KCNH7: variants seen among roughly 807,000 people sequenced by gnomAD.
KCNH7 encodes the protein voltage-gated inwardly rectifying potassium channel KCNH7.
In KCNH7, 49 loss-of-function variants were observed where a neutral mutation model predicts 120.8. That is an observed-to-expected ratio of 0.41 (90% CI 0.32 to 0.51). The LOEUF (loss-of-function observed/expected upper bound fraction) is 0.51. Ranked by LOEUF, KCNH7 falls within the 20% of genes least tolerant of loss-of-function variation. The probability of loss-of-function intolerance (pLI) is 0.38; values close to 1 mark genes in which losing one functional copy is unlikely to be tolerated. For synonymous variants in KCNH7, 547 were observed against 516.1 expected, an observed-to-expected ratio of 1.06 and a Z score of -0.81; for missense variants, 1,097 against 1,446.6, an observed-to-expected ratio of 0.76 and a Z score of 3.92.
chr2:162,372,298 G>A (rs771315318), intron 15 of KCNH7, among the ~76,000 whole-genome samples: 4 of 151,906 alleles, frequency 2.6e-5, no homozygotes, highest in Non-Finnish European at 5.9e-5. Context: ...ACCATTCCAA[G>A]AACTTTTATT....
At position 162,723,453 on chromosome 2, in the gene KCNH7, A is replaced by C. The variant is rs558976580; in HGVS notation, c.307+113084T>G. Among the ~76,000 whole-genome samples the C allele has an allele frequency of 3.9e-5, 6 of 152,330 alleles. No homozygotes were observed. The East Asian group carries it at 1.2e-3, about 29-fold the overall frequency. The stretch of plus-strand genomic sequence containing the variant: ...GAAATATTATTCAGCCAGAAAGAAG[A>C]AGGAATCCCTGCCACACATGACAAC... On this transcript the variant is annotated intron_variant, in intron 2 of 15. Transcript: ENST00000332142.
chr2:162,512,564 CA>C, intron 5 of KCNH7, 89 bp downstream of exon 5: 1 of 1,121,046 alleles, frequency 8.9e-7, no homozygotes, highest in Non-Finnish European at 1.3e-6. Flanking sequence ...GAAGATGTTG[CA>C]CTGAACAGGG....
intron 2 of KCNH7, among the ~76,000 whole-genome samples, chr2:162,746,004 C>T (rs1325952999): frequency 6.6e-6 from 1 of 151,798 alleles, no homozygotes; most frequent in Non-Finnish European, 1.5e-5. Context: ...ATTATTTTTA[C>T]ATATGAAGAA....
intron 8 of KCNH7, among the ~76,000 whole-genome samples, chr2:162,429,533 G>T (rs949822965): frequency 6.6e-6 from 1 of 151,058 alleles, no homozygotes; most frequent in Admixed American, 6.6e-5. Flanking sequence ...ATTATGTCAG[G>T]TTTTGTCATT....
chr2:162,695,638 CTG>C (rs1686264599), intron 2 of KCNH7, among the ~76,000 whole-genome samples: 1 of 152,062 alleles, frequency 6.6e-6, no homozygotes, highest in Admixed American at 6.6e-5. Flanking sequence ...GCAGTTTAAT[CTG>C]GGGATGGTTT....
intron 2 of KCNH7, among the ~76,000 whole-genome samples, chr2:162,724,030 CA>C (rs1387453961): frequency 6.6e-6 from 1 of 152,024 alleles, no homozygotes; most frequent in African/African-American, 2.4e-5. Context: ...CGAGTTAGAG[CA>C]AAACAACAAC....
At chr2:162,539,078 A>T (rs924634046) in intron 2 of KCNH7, among the ~76,000 whole-genome samples, 1 of 152,102 alleles carries the variant, frequency 6.6e-6, no homozygotes, top group African/African-American at 2.4e-5. Context: ...AATTCATTTA[A>T]TAAAATAGTT....
intron 2 of KCNH7, among the ~76,000 whole-genome samples, chr2:162,572,894 T>C (rs1271562617): frequency 6.6e-6 from 1 of 151,684 alleles, no homozygotes; most frequent in East Asian, 1.9e-4. Flanking sequence ...CTGGGGACTG[T>C]TGTGGGGTGG....
chr2:162,764,417 C>G (rs1689075908), intron 2 of KCNH7, among the ~76,000 whole-genome samples: 1 of 152,066 alleles, frequency 6.6e-6, no homozygotes, highest in Admixed American at 6.6e-5. Context: ...ATTTTATAGA[C>G]AGTATAATTT....
chr2:162,424,137 C>T (rs1000675980), intron 8 of KCNH7, among the ~76,000 whole-genome samples: 5 of 151,966 alleles, frequency 3.3e-5, no homozygotes, highest in African/African-American at 1.2e-4. Context: ...TATCCTATTC[C>T]AATTCATTTT....
chr2:162,786,261 A>G (rs931063868), intron 2 of KCNH7, among the ~76,000 whole-genome samples: 9 of 151,254 alleles, frequency 6.0e-5, no homozygotes, highest in Non-Finnish European at 1.2e-4. Context: ...AAAAAAAAAA[A>G]AAGCTAGTAG....
chr2:162,543,579 A>T (rs1692384833), intron 2 of KCNH7, among the ~76,000 whole-genome samples: 1 of 152,154 alleles, frequency 6.6e-6, no homozygotes, highest in Non-Finnish European at 1.5e-5. Flanking sequence ...CTTATTTAAA[A>T]CAATTTTAAA....
At chr2:162,445,766 G>A (rs1404215846) in intron 7 of KCNH7, among the ~76,000 whole-genome samples, 1 of 152,152 alleles carries the variant, frequency 6.6e-6, no homozygotes, top group Non-Finnish European at 1.5e-5. Flanking sequence ...GTGTGCTATG[G>A]ACCACTTGTT....
In KCNH7 at chr2:162,690,048, A is replaced by C. The variant is rs573715121; in HGVS notation, c.307+146489T>G. Among the ~76,000 whole-genome samples the C allele has an allele frequency of 7.9e-5, 12 of 152,236 alleles. 1 individual carries two copies. Among genetic ancestry groups the C allele is most frequent in the Non-Finnish European group, 1.6e-4 (11 of 68,044 alleles). ...ATACACCATGGAATAATATGCAACCATAAAAAAACAATGAGATCATGTTCT... is the reference window on the plus strand; with the variant it reads ...ATACACCATGGAATAATATGCAACCCTAAAAAAACAATGAGATCATGTTCT... On this transcript the variant is annotated intron_variant, in intron 2 of 15. Transcript: ENST00000332142.
intron 2 of KCNH7, among the ~76,000 whole-genome samples, chr2:162,771,589 A>G (rs898387355): frequency 6.6e-6 from 1 of 152,096 alleles, no homozygotes; most frequent in African/African-American, 2.4e-5. Context: ...TTTAATTTAG[A>G]ATTACTATAA....
At chr2:162,617,351 C>T (rs962271276) in intron 2 of KCNH7, among the ~76,000 whole-genome samples, 6 of 152,074 alleles carry the variant, frequency 3.9e-5, no homozygotes, top group East Asian at 1.9e-4. Context: ...TGGTGGCGGG[C>T]GCCTGTAGTC....
Position 162,642,126 on chromosome 2 carries a change from T to A in KCNH7, c.308-105046A>T, listed in dbSNP as rs143750862. 1.3e-3 allele frequency among the ~76,000 whole-genome samples: 202 copies of A among 152,260 alleles called. 3 individuals carry two copies. The highest frequency in any genetic ancestry group is 4.6e-3 in the African/African-American group (193 of 41,548). On this transcript the variant is annotated intron_variant, in intron 2 of 15. Coordinates refer to ENST00000332142, the MANE Select transcript of KCNH7 (RefSeq NM_033272.4). ...TACGAGAGTTTTTGCTGTGGTTAAA[T>A]TCAGGATCTCAAGCCTTAGTATTTT...
intron 2 of KCNH7, among the ~76,000 whole-genome samples, chr2:162,626,818 G>A (rs1410181819): frequency 1.3e-5 from 2 of 152,082 alleles, no homozygotes; most frequent in Admixed American, 1.3e-4. Flanking sequence ...TTAAAAGGAC[G>A]ATTATCATTA....
intron 2 of KCNH7, among the ~76,000 whole-genome samples, chr2:162,589,841 T>C (rs1030607677): frequency 2.0e-5 from 3 of 152,154 alleles, no homozygotes; most frequent in Admixed American, 6.6e-5. Context: ...AAGTACTATG[T>C]CTGCTACTAA....
Sources: allele counts gnomAD v4.1 joint callset (sites outside exome capture counted in the v4.1 genomes callset), GRCh38; gene constraint gnomAD v4.1.1; transcripts MANE v1.5; gene names NCBI Gene and HGNC (gene_info 2026-07-23, HGNC 2026-07-21).